The following STK33 variants were observed in gnomAD, a reference collection of about 807,000 sequenced individuals.
STK33 encodes serine/threonine kinase 33, also known as serine/threonine-protein kinase 33.
Under a neutral mutation model 58.0 loss-of-function variants are expected in STK33, and 52 were observed. That is an observed-to-expected ratio of 0.90 (90% CI 0.72 to 1.13). STK33 has a LOEUF of 1.13. Ranked by LOEUF, STK33 falls within the 50% of genes most tolerant of loss-of-function variation. The probability of loss-of-function intolerance (pLI) is 0.00; values close to 1 mark genes in which losing one functional copy is unlikely to be tolerated. For missense variants in STK33, 630 were observed against 604.2 expected (o/e 1.04, Z -0.45); for synonymous variants, 215 against 200.1 (o/e 1.07, Z -0.63).
chr11:8,344,673 G>A, the STK33 span, among the ~76,000 whole-genome samples: 2 of 152,210 alleles, frequency 1.3e-5, no homozygotes, highest in Admixed American at 6.5e-5. Flanking sequence ...ATATCCATAG[G>A]TTTAGGTGTC....
chr11:8,468,286 A>T (rs1213474800), intron 6 of STK33, among the ~76,000 whole-genome samples: 1 of 152,204 alleles, frequency 6.6e-6, no homozygotes, highest in Non-Finnish European at 1.5e-5. Context: ...CCCATGATTC[A>T]ATCATCTCCC....
the STK33 span, among the ~76,000 whole-genome samples, chr11:8,381,032 T>A: frequency 6.6e-6 from 1 of 152,160 alleles, no homozygotes; most frequent in African/African-American, 2.4e-5. Flanking sequence ...TCAAATACCC[T>A]ATGTCCTCAC....
In STK33 at chr11:8,582,228, TACTC is replaced by T. The variant is rs1484176373; in HGVS notation, c.-466+11851_-466+11854del. Among the ~76,000 whole-genome samples the T allele has an allele frequency of 2.6e-5, 4 of 152,340 alleles. No homozygotes were observed. In the East Asian group the frequency reaches 7.7e-4, roughly 29 times the overall value. On this transcript the variant is annotated intron_variant, in intron 1 of 15. Transcript: ENST00000687296. ...TAAACAAAAAAACATTTTCTTATGA[TACTC>T]AGAGATCTCTACAGCATATAGCTTG... is the stretch of plus-strand genomic sequence containing the variant.
chr11:8,569,059 A>C (rs1282604631), intron 1 of STK33, among the ~76,000 whole-genome samples: 2 of 152,220 alleles, frequency 1.3e-5, no homozygotes, highest in Non-Finnish European at 2.9e-5. Flanking sequence ...CCCCAAAATG[A>C]CTTCTTAAAA....
At chr11:8,372,702 C>A in the STK33 span, among the ~76,000 whole-genome samples, 1 of 152,252 alleles carries the variant, frequency 6.6e-6, no homozygotes, top group African/African-American at 2.4e-5. Flanking sequence ...AGGCGTACTG[C>A]CTCCCTGACT....
At chr11:8,387,475 G>A (rs1848559847), downstream of STK33, among the ~76,000 whole-genome samples, 1 of 152,150 alleles carries the variant, frequency 6.6e-6, no homozygotes, top group South Asian at 2.1e-4. Flanking sequence ...TCATTTCTCT[G>A]TAGAGATAAT....
chr11:8,421,426 G>A (rs765665183), intron 14 of STK33, among the ~76,000 whole-genome samples: 3 of 151,972 alleles, frequency 2.0e-5, no homozygotes, highest in Non-Finnish European at 2.9e-5. Flanking sequence ...TCCATACGAC[G>A]ACTGTCAGAA....
the STK33 span, among the ~76,000 whole-genome samples, chr11:8,339,915 T>G: frequency 1.3e-5 from 2 of 152,350 alleles, 1 homozygote; most frequent in East Asian, 3.9e-4. Context: ...CAGCTCTGCC[T>G]GGCCCTGACC....
chr11:8,387,552 G>T (rs1323698337), downstream of STK33, among the ~76,000 whole-genome samples: 1 of 152,178 alleles, frequency 6.6e-6, no homozygotes, highest in African/African-American at 2.4e-5. Context: ...TGCTTAGAAT[G>T]GTGTCTGGCA....
intron 1 of STK33, among the ~76,000 whole-genome samples, chr11:8,546,090 A>T (rs1451742763): frequency 6.6e-6 from 1 of 152,226 alleles, no homozygotes; most frequent in Non-Finnish European, 1.5e-5. Flanking sequence ...AATATTTTTT[A>T]AATGATACAC....
chr11:8,461,539 G>GCATACACAACAAC (rs1947523342), intron 8 of STK33, among the ~76,000 whole-genome samples: 1 of 152,160 alleles, frequency 6.6e-6, no homozygotes, highest in Admixed American at 6.5e-5. Context: ...TCACCATTTG[G>GCATACACAACAAC]TTGTGTATGA....
intron 10 of STK33, 117 bp from the exon 11 acceptor site, chr11:8,453,023 G>T: frequency 1.2e-6 from 1 of 848,998 alleles, no homozygotes; most frequent in Non-Finnish European, 1.9e-6. Context: ...GGGGTGGGAG[G>T]ACTTTAATTG....
At chr11:8,384,790 T>G in the STK33 span, among the ~76,000 whole-genome samples, 1 of 152,152 alleles carries the variant, frequency 6.6e-6, no homozygotes, top group Non-Finnish European at 1.5e-5. Context: ...CCTGCCCCCT[T>G]GCCTTGTATA....
At chr11:8,554,077 A>C (rs540752668) in intron 1 of STK33, among the ~76,000 whole-genome samples, 1 of 152,236 alleles carries the variant, frequency 6.6e-6, no homozygotes, top group African/African-American at 2.4e-5. Context: ...CAAAATATGT[A>C]AGGAACTCAA....
chr11:8,440,357 T>C (rs556598832), intron 12 of STK33, among the ~76,000 whole-genome samples: 31 of 152,210 alleles, frequency 2.0e-4, no homozygotes, highest in Non-Finnish European at 4.0e-4. Flanking sequence ...TAAGTGAACC[T>C]CATGAGAAAA....
the STK33 span, among the ~76,000 whole-genome samples, chr11:8,379,570 T>C: frequency 1.3e-5 from 2 of 152,070 alleles, no homozygotes; most frequent in Non-Finnish European, 2.9e-5. Context: ...AACAGGGAAA[T>C]GCAAATTAGA....
intron 14 of STK33, among the ~76,000 whole-genome samples, 170 bp downstream of exon 14, chr11:8,435,324 A>G (rs1406521467): frequency 6.6e-6 from 1 of 152,218 alleles, no homozygotes; most frequent in Non-Finnish European, 1.5e-5. Flanking sequence ...CAGTTCTAAC[A>G]GTTTGAAAAT....
chr11:8,418,909 T>C (rs1236301050), intron 14 of STK33, among the ~76,000 whole-genome samples: 1 of 152,328 alleles, frequency 6.6e-6, no homozygotes, highest in East Asian at 1.9e-4. Context: ...AAGCGTCATC[T>C]GTTCATGTCC....
chr11:8,462,218 A>C (rs1432503688), intron 7 of STK33, among the ~76,000 whole-genome samples: 1 of 152,078 alleles, frequency 6.6e-6, no homozygotes, highest in Non-Finnish European at 1.5e-5. Context: ...TCACAAAACT[A>C]TGAAAATTAC....
Sources: allele counts gnomAD v4.1 joint callset (sites outside exome capture counted in the v4.1 genomes callset), GRCh38; gene constraint gnomAD v4.1.1; transcripts MANE v1.5; gene names NCBI Gene and HGNC (gene_info 2026-07-23, HGNC 2026-07-21).